SAMD12: variants seen among roughly 807,000 people sequenced by gnomAD.
SAMD12 encodes the protein sterile alpha motif domain containing 12, also known as sterile alpha motif domain-containing protein 12.
Under a neutral mutation model 15.0 loss-of-function variants are expected in SAMD12, and 9 were observed. The ratio of observed to expected loss-of-function variants is 0.60; its 90% CI spans 0.36 to 1.05. SAMD12 has a LOEUF of 1.05. Ranked by LOEUF, SAMD12 falls within the 50% of genes least tolerant of loss-of-function variation. The pLI is 0.01. For synonymous variants in SAMD12, 86 were observed against 90.1 expected, an observed-to-expected ratio of 0.96 and a Z score of 0.25; for missense variants, 230 against 234.2, an observed-to-expected ratio of 0.98 and a Z score of 0.12.
At chr8:118,471,829 T>C (rs529646992) in intron 2 of SAMD12, among the ~76,000 whole-genome samples, 2 of 152,218 alleles carry the variant, frequency 1.3e-5, no homozygotes, top group African/African-American at 4.8e-5. Flanking sequence ...CGGTACCTGA[T>C]ACAGTCCACA....
intron 4 of SAMD12, among the ~76,000 whole-genome samples, chr8:118,258,653 G>A (rs539306312): frequency 6.6e-6 from 1 of 152,092 alleles, no homozygotes; most frequent in Non-Finnish European, 1.5e-5. Context: ...AGTAAAAAGG[G>A]TGGTGGCAAA....
intron 2 of SAMD12, among the ~76,000 whole-genome samples, chr8:118,467,654 G>C (rs879095647): frequency 6.6e-6 from 1 of 152,154 alleles, no homozygotes; most frequent in East Asian, 1.9e-4. Flanking sequence ...CTCTAGGAAA[G>C]CCTTGGGCTT....
At chr8:118,154,639 T>G in the SAMD12 span, among the ~76,000 whole-genome samples, 1 of 152,196 alleles carries the variant, frequency 6.6e-6, no homozygotes, top group Non-Finnish European at 1.5e-5. Context: ...TCTATAGAGC[T>G]CATACCATTA....
At chr8:118,213,044 C>A (rs1456644697) in intron 4 of SAMD12, among the ~76,000 whole-genome samples, 1 of 152,090 alleles carries the variant, frequency 6.6e-6, no homozygotes, top group Non-Finnish European at 1.5e-5. Flanking sequence ...GGAGGCTGGA[C>A]CTCATCTTTT....
intron 4 of SAMD12, among the ~76,000 whole-genome samples, chr8:118,287,159 C>T (rs1365913847): frequency 1.4e-5 from 2 of 145,714 alleles, no homozygotes; most frequent in African/African-American, 2.6e-5. Flanking sequence ...GAGTCTCGCT[C>T]TTTCGCCCAG....
intron 2 of SAMD12, among the ~76,000 whole-genome samples, chr8:118,572,744 T>C (rs568074051): frequency 6.6e-6 from 1 of 152,242 alleles, no homozygotes; most frequent in Non-Finnish European, 1.5e-5. Flanking sequence ...CCTCTTTCTT[T>C]TGTAAATTGT....
chr8:118,408,428 T>G (rs1821239821), intron 3 of SAMD12, among the ~76,000 whole-genome samples: 1 of 152,142 alleles, frequency 6.6e-6, no homozygotes, highest in Non-Finnish European at 1.5e-5. Context: ...CCTCCATATC[T>G]AACCACTACC....
At chr8:118,609,068 G>C (rs192710746) in intron 1 of SAMD12, among the ~76,000 whole-genome samples, 1 of 152,162 alleles carries the variant, frequency 6.6e-6, no homozygotes, top group Non-Finnish European at 1.5e-5. Flanking sequence ...ATCAATGTGA[G>C]CTATACATAC....
chr8:118,290,835 T>C (rs910948301), intron 4 of SAMD12, among the ~76,000 whole-genome samples: 1 of 152,212 alleles, frequency 6.6e-6, no homozygotes, highest in African/African-American at 2.4e-5. Context: ...ACTGCAAATA[T>C]ATAAATATGA....
At position 118,529,221 on chromosome 8, in the gene SAMD12, G is replaced by T. The variant is rs530614708; in HGVS notation, c.192+51494C>A. Among the ~76,000 whole-genome samples the T allele has an allele frequency of 4.6e-5, 7 of 152,290 alleles. No individual in the cohort carries two copies. The South Asian group carries it at 1.5e-3, about 32-fold the overall frequency. On this transcript the variant is annotated intron_variant, in intron 2 of 3. Transcript: ENST00000314727. ...AATCTGTTTCATTTACTTTTCAGAG[G>T]CCTCAGCTGCGTTTCAAAATTTTAT...
At chr8:118,335,383 T>A (rs1306387903) in intron 4 of SAMD12, among the ~76,000 whole-genome samples, 1 of 152,154 alleles carries the variant, frequency 6.6e-6, no homozygotes, top group African/African-American at 2.4e-5. Context: ...TTGAGGTTGG[T>A]TTTCCAAGAA....
chr8:118,257,681 C>T (rs1812981476), intron 4 of SAMD12, among the ~76,000 whole-genome samples: 2 of 152,070 alleles, frequency 1.3e-5, no homozygotes, highest in Non-Finnish European at 1.5e-5. Context: ...AGGCTTCATA[C>T]TGCTGGGTGG....
intron 4 of SAMD12, among the ~76,000 whole-genome samples, chr8:118,302,078 G>GTTTT (rs58076997): frequency 0.018 from 1,338 of 74,482 alleles, 54 homozygotes; most frequent in African/African-American, 0.029. Flanking sequence ...ATCTTTGAGA[G>GTTTT]TTTTTTTTTT....
At chr8:118,593,238 G>A (rs564254332) in intron 1 of SAMD12, among the ~76,000 whole-genome samples, 1 of 152,244 alleles carries the variant, frequency 6.6e-6, no homozygotes, top group Admixed American at 6.5e-5. Context: ...TTCATGAATT[G>A]AGAATTAACA....
chr8:118,620,613 G>T (rs1287726558), intron 1 of SAMD12, among the ~76,000 whole-genome samples: 2 of 152,162 alleles, frequency 1.3e-5, no homozygotes, highest in Non-Finnish European at 1.5e-5. Flanking sequence ...GAGTATAGGA[G>T]CTGGGTTGTT....
At chr8:118,352,657 A>G (rs1169845362) in intron 4 of SAMD12, among the ~76,000 whole-genome samples, 1 of 152,216 alleles carries the variant, frequency 6.6e-6, no homozygotes, top group African/African-American at 2.4e-5. Flanking sequence ...CGTGTTTGAG[A>G]AAATAATTGA....
At chr8:118,300,843 A>G (rs1394789922) in intron 4 of SAMD12, among the ~76,000 whole-genome samples, 1 of 152,232 alleles carries the variant, frequency 6.6e-6, no homozygotes, top group East Asian at 1.9e-4. Context: ...TCTTCTGAGT[A>G]TGTATGCATT....
At chr8:118,136,571 G>A in the SAMD12 span, among the ~76,000 whole-genome samples, 1 of 152,160 alleles carries the variant, frequency 6.6e-6, no homozygotes, top group African/African-American at 2.4e-5. Context: ...CCTTAGATGG[G>A]AAAGAAATCA....
At position 118,450,684 on chromosome 8, in the gene SAMD12, C is replaced by T. The variant is rs1586727757; in HGVS notation, c.193-10723G>A. 5.3e-5 allele frequency among the ~76,000 whole-genome samples: 8 copies of T among 152,034 alleles called. No homozygotes were observed. The South Asian group carries it at 1.7e-3, about 32-fold the overall frequency. On this transcript the variant is annotated intron_variant, in intron 2 of 3. Coordinates refer to ENST00000314727, the MANE Select transcript of SAMD12 (RefSeq NM_207506.3). ...AAAAAATGTCCTCAGTGCAAAAATGCCCCTGTGTAATATGACTAAAGGTCC... is the reference window on the plus strand; with the variant it reads ...AAAAAATGTCCTCAGTGCAAAAATGTCCCTGTGTAATATGACTAAAGGTCC...
Sources: allele counts gnomAD v4.1 joint callset (sites outside exome capture counted in the v4.1 genomes callset), GRCh38; gene constraint gnomAD v4.1.1; transcripts MANE v1.5; gene names NCBI Gene and HGNC (gene_info 2026-07-23, HGNC 2026-07-21).